Variants in CNTNAP3 observed in about 807,000 individuals in gnomAD.
CNTNAP3 encodes the protein contactin-associated protein-like 3.
In CNTNAP3, 36 loss-of-function variants were observed where a neutral mutation model predicts 92.1. The ratio of observed to expected loss-of-function variants is 0.39; its 90% CI spans 0.30 to 0.52. The LOEUF (loss-of-function observed/expected upper bound fraction) is 0.52. CNTNAP3 is among the 20% of genes least tolerant of loss of function. CNTNAP3 has a pLI of 0.76. For missense variants in CNTNAP3, 534 were observed against 1,069.6 expected (o/e 0.50, Z 6.98); for synonymous variants, 232 against 422.3 (o/e 0.55, Z 5.53).
At chr9:39,077,949 TG>T (rs1825822459) in intron 23 of CNTNAP3, among the ~76,000 whole-genome samples, 1 of 152,162 alleles carries the variant, frequency 6.6e-6, no homozygotes, top group Admixed American at 6.5e-5. Context: ...CTCACGCCTG[TG>T]ATCTCAGCAC....
intron 11 of CNTNAP3, among the ~76,000 whole-genome samples, chr9:39,141,698 A>G (rs536553545): frequency 1.3e-5 from 2 of 152,288 alleles, no homozygotes; most frequent in Non-Finnish European, 2.9e-5. Flanking sequence ...ATATTTGTAT[A>G]TGTCTGGTAG....
At chr9:39,147,377 A>G (rs537681421) in intron 10 of CNTNAP3, among the ~76,000 whole-genome samples, 6 of 152,266 alleles carry the variant, frequency 3.9e-5, no homozygotes, top group African/African-American at 1.2e-4. Context: ...ACTTAATGTA[A>G]AGGGAACAGC....
intron 21 of CNTNAP3, among the ~76,000 whole-genome samples, chr9:39,081,345 A>G (rs1825927739): frequency 6.6e-6 from 1 of 151,928 alleles, no homozygotes; most frequent in African/African-American, 2.4e-5. Flanking sequence ...TGCTTCTCTT[A>G]GCTGAATAGC....
intron 15 of CNTNAP3, among the ~76,000 whole-genome samples, chr9:39,107,629 T>C (rs1564074984): frequency 6.6e-6 from 1 of 151,998 alleles, no homozygotes; most frequent in South Asian, 2.1e-4. Flanking sequence ...TATCTGGAAA[T>C]GGAGAACACA....
chr9:39,125,541 A>G (rs1366495847), intron 13 of CNTNAP3, among the ~76,000 whole-genome samples: 3 of 152,034 alleles, frequency 2.0e-5, no homozygotes, highest in African/African-American at 7.2e-5. Flanking sequence ...CTGTCAGAGT[A>G]AACAACAACA....
chr9:39,073,035 A>G lies in CNTNAP3; in HGVS notation c.*855T>C, dbSNP rs1825663098. 6.5e-6 allele frequency: 1 copy of G among 152,742 alleles called. No homozygotes were observed. The highest frequency in any genetic ancestry group is 6.5e-5 in the Admixed American group (1 of 15,292). 9.5% of individuals were successfully genotyped at this position (152,742 alleles called of 1,614,324 possible). ...GTTAAAAACATAATCACAAGTTACA[A>G]AAACTGTAATTACAAATTACAAAGA... is the stretch of plus-strand genomic sequence containing the variant. On this transcript the variant is annotated 3_prime_UTR_variant, in exon 24 of 24. Coordinates refer to ENST00000297668, the MANE Select transcript of CNTNAP3 (RefSeq NM_033655.5).
chr9:39,141,044 A>G (rs935589627), intron 11 of CNTNAP3, among the ~76,000 whole-genome samples: 1 of 152,192 alleles, frequency 6.6e-6, no homozygotes, highest in Non-Finnish European at 1.5e-5. Flanking sequence ...TCTCTACATA[A>G]ATGTTTTCTT....
chr9:39,157,568 A>T (rs1374409197), intron 9 of CNTNAP3, among the ~76,000 whole-genome samples: 2 of 92,468 alleles, frequency 2.2e-5, no homozygotes, highest in Non-Finnish European at 4.8e-5. Context: ...CGATGGTCTC[A>T]ATCTCTTGAC....
In CNTNAP3 at chr9:39,099,901, T is replaced by A; in HGVS notation, c.2995+10A>T. 6.2e-7 allele frequency: 1 copy of A among 1,610,506 alleles called. No individual in the cohort carries two copies. The highest frequency in any genetic ancestry group is 8.5e-7 in the Non-Finnish European group (1 of 1,179,054). The stretch of plus-strand genomic sequence containing the variant: ...ACTTTCCCTATAACCTGCTCCTTGG[T>A]CACACTTACCATTGGAGCAGAACGG... On this transcript the variant is annotated intron_variant, in intron 18 of 23. Coordinates refer to ENST00000297668, the MANE Select transcript of CNTNAP3 (RefSeq NM_033655.5).
chr9:39,099,233 C>G (rs1360268145), intron 18 of CNTNAP3, among the ~76,000 whole-genome samples: 1 of 152,158 alleles, frequency 6.6e-6, no homozygotes, highest in African/African-American at 2.4e-5. Flanking sequence ...GGATTACAGG[C>G]ATGAGCCACC....
intron 9 of CNTNAP3, among the ~76,000 whole-genome samples, chr9:39,162,066 T>A (rs1272906784): frequency 1.8e-5 from 2 of 113,958 alleles, no homozygotes; most frequent in Admixed American, 1.7e-4. Flanking sequence ...GACAACCTAC[T>A]GGAAGAAAAT....
At position 39,098,461 on chromosome 9, in the gene CNTNAP3, C is replaced by A. The variant is rs537373086; in HGVS notation, c.2995+1450G>T. ...TTAGGTAATCTAACTATAACATATG[C>A]CCCAGCCACTGGAGGACCATTTTCC... On this transcript the variant is annotated intron_variant, in intron 18 of 23. Transcript: ENST00000297668. Among the ~76,000 whole-genome samples the A allele has an allele frequency of 8.5e-4, 130 of 152,096 alleles. 1 individual carries two copies. The highest frequency in any genetic ancestry group is 2.9e-3 in the African/African-American group (122 of 41,474).
rs1377065758 is a variant in CNTNAP3 at position 39,068,320 on chromosome 9, G to A, written c.*5570C>T. Among the ~76,000 whole-genome samples the A allele has an allele frequency of 6.6e-6, 1 of 152,424 alleles. No individual in the cohort carries two copies. Among genetic ancestry groups the A allele is most frequent in the East Asian group, 1.9e-4 (1 of 5,196 alleles). On this transcript the variant is annotated 3_prime_UTR_variant, in exon 24 of 24. Transcript: ENST00000297668. Reference sequence around the variant, plus strand: ...AGTCCCAGCTACTCGGGAGGCTGAGGCAGGAGAATGGCATGAACCCTGGAG... The same window carrying A: ...AGTCCCAGCTACTCGGGAGGCTGAGACAGGAGAATGGCATGAACCCTGGAG...
chr9:39,170,398 CTT>C (rs1351597597), intron 8 of CNTNAP3, among the ~76,000 whole-genome samples: 2 of 115,626 alleles, frequency 1.7e-5, no homozygotes. Flanking sequence ...TCGTCTGTGC[CTT>C]TTTCTTTTTC....
intron 9 of CNTNAP3, 82 bp from the exon 10 acceptor site, chr9:39,150,059 C>G: frequency 1.0e-6 from 1 of 956,890 alleles, no homozygotes; most frequent in Non-Finnish European, 1.5e-6. Flanking sequence ...AAGACTGCTG[C>G]TCCCGCTTGT....
chr9:39,119,186 C>G (rs1820941312), intron 13 of CNTNAP3, among the ~76,000 whole-genome samples: 1 of 152,042 alleles, frequency 6.6e-6, no homozygotes, highest in Admixed American at 6.5e-5. Context: ...GATGCTTGAT[C>G]ATGTGGTGCT....
intron 13 of CNTNAP3, among the ~76,000 whole-genome samples, chr9:39,130,484 T>C (rs184655368): frequency 1.4e-3 from 210 of 148,920 alleles, no homozygotes; most frequent in African/African-American, 4.1e-3. Context: ...TAACGAGCAA[T>C]AGGAGGAATT....
At chr9:39,099,761 AAATTC>A (rs1231226221) in intron 18 of CNTNAP3, 145 bp downstream of exon 18, 2 of 937,414 alleles carry the variant, frequency 2.1e-6, no homozygotes, top group African/African-American at 3.3e-5. Flanking sequence ...TATCCCTTCT[AAATTC>A]AATAGAGGAA....
intron 12 of CNTNAP3, among the ~76,000 whole-genome samples, chr9:39,139,413 C>T (rs917745598): frequency 3.9e-5 from 6 of 152,238 alleles, no homozygotes; most frequent in African/African-American, 1.4e-4. Flanking sequence ...ATCTTCAGCA[C>T]ATTGCTGTGC....
Sources: allele counts gnomAD v4.1 joint callset (sites outside exome capture counted in the v4.1 genomes callset), GRCh38; gene constraint gnomAD v4.1.1; transcripts MANE v1.5; gene names NCBI Gene and HGNC (gene_info 2026-07-23, HGNC 2026-07-21).